FAM222B: variants seen among roughly 807,000 people sequenced by gnomAD.
The protein encoded by FAM222B is protein FAM222B.
Under a neutral mutation model 38.0 loss-of-function variants are expected in FAM222B, and 12 were observed. That is an observed-to-expected ratio of 0.32 (90% CI 0.20 to 0.51). The LOEUF is 0.51. FAM222B is among the 20% of genes least tolerant of loss of function. The pLI is 0.97. For synonymous variants in FAM222B, 329 were observed against 317.2 expected (o/e 1.04, Z -0.40); for missense variants, 716 against 754.2 (o/e 0.95, Z 0.59).
At chr17:28,788,617 C>T (rs755699439) in intron 1 of FAM222B, among the ~76,000 whole-genome samples, 7 of 152,118 alleles carry the variant, frequency 4.6e-5, no homozygotes, top group African/African-American at 7.2e-5. Context: ...TTAAGTCCCA[C>T]CAAACAAGTC....
At chr17:28,785,403 T>C (rs1597910262) in intron 1 of FAM222B, among the ~76,000 whole-genome samples, 2 of 152,236 alleles carry the variant, frequency 1.3e-5, no homozygotes, top group Admixed American at 1.3e-4. Context: ...CTGAAAAACA[T>C]TGAACGGTTC....
At position 28,759,839 on chromosome 17, in the gene FAM222B, A is replaced by G; in HGVS notation, c.120T>C (p.Pro40=). 1.3e-6 allele frequency: 2 copies of G among 1,567,744 alleles called. No homozygotes were observed. The highest frequency in any genetic ancestry group is 8.6e-7 in the Non-Finnish European group (1 of 1,156,324). Reference sequence around the variant, plus strand: ...CATACGCATCCAATTCGGCTGGGGTAGGATAGTGAGCAGTTCTCATTTTCT... The same window carrying G: ...CATACGCATCCAATTCGGCTGGGGTGGGATAGTGAGCAGTTCTCATTTTCT... ...TTQKMRTAHY[P]TPAELDAYAK... Residue 40 remains proline, a synonymous_variant, in exon 3 of 3, where the codon CCT becomes CCC. Transcript: ENST00000581407. The surrounding 1 kb of genome is among the most constrained non-coding windows in gnomAD (Gnocchi z 4.8).
intron 1 of FAM222B, among the ~76,000 whole-genome samples, chr17:28,816,180 G>C (rs2038016021): frequency 6.6e-6 from 1 of 151,474 alleles, no homozygotes; most frequent in East Asian, 1.9e-4. Flanking sequence ...GGGAGGCTGG[G>C]ACAGGAAAAT....
intron 2 of FAM222B, among the ~76,000 whole-genome samples, chr17:28,764,684 T>A (rs945169792): frequency 6.6e-6 from 1 of 151,620 alleles, no homozygotes; most frequent in East Asian, 1.9e-4. Context: ...AAGGCGGAGG[T>A]TGCGTTGAGC....
chr17:28,796,976 C>A (rs1245268814), intron 1 of FAM222B, among the ~76,000 whole-genome samples: 1 of 148,608 alleles, frequency 6.7e-6, no homozygotes, highest in Non-Finnish European at 1.5e-5. Context: ...ATGGTAGAAG[C>A]CAGTTAAGTG....
chr17:28,805,146 C>G (rs2037424291), intron 1 of FAM222B, among the ~76,000 whole-genome samples: 2 of 152,082 alleles, frequency 1.3e-5, no homozygotes, highest in Non-Finnish European at 2.9e-5. Flanking sequence ...TCATTGGAGC[C>G]CAGGAGTTTG....
At chr17:28,845,980 G>A (rs186599262), upstream of FAM222B, among the ~76,000 whole-genome samples, 115 of 149,798 alleles carry the variant, frequency 7.7e-4, no homozygotes, top group Middle Eastern at 0.018. Flanking sequence ...AAGGCGGGTG[G>A]ATCACGAGGT....
chr17:28,763,902 G>A (rs981905419), intron 2 of FAM222B, among the ~76,000 whole-genome samples: 1 of 152,148 alleles, frequency 6.6e-6, no homozygotes, highest in Admixed American at 6.6e-5. Context: ...CCACTAGGGG[G>A]CAGATATGCA....
intron 1 of FAM222B, among the ~76,000 whole-genome samples, chr17:28,783,611 C>G (rs1410637620): frequency 6.6e-6 from 1 of 151,714 alleles, no homozygotes; most frequent in Non-Finnish European, 1.5e-5. Context: ...TTCCCAGGTT[C>G]AAGGGATTCT....
intron 1 of FAM222B, among the ~76,000 whole-genome samples, chr17:28,818,740 A>G (rs2038115522): frequency 6.6e-6 from 1 of 152,098 alleles, no homozygotes; most frequent in African/African-American, 2.4e-5. Flanking sequence ...ATGTTCTGGG[A>G]GTAGAGAGCT....
intron 1 of FAM222B, 87 bp from the exon 2 acceptor site, chr17:28,766,794 C>T (rs1163310705): frequency 2.7e-6 from 2 of 732,658 alleles, no homozygotes; most frequent in Non-Finnish European, 4.6e-6. Flanking sequence ...TGGCGTGAGG[C>T]CCAAGTTTAG....
chr17:28,766,517 C>T, intron 2 of FAM222B, 69 bp downstream of exon 2: 2 of 1,348,046 alleles, frequency 1.5e-6, no homozygotes, highest in Non-Finnish European at 2.1e-6. Context: ...AGATGTGCTT[C>T]AAGGACGGCC....
chr17:28,796,603 T>C (rs1193483221), intron 1 of FAM222B, among the ~76,000 whole-genome samples: 1 of 152,090 alleles, frequency 6.6e-6, no homozygotes, highest in East Asian at 1.9e-4. Flanking sequence ...GAAGAGACAG[T>C]ATGCAAAGAC....
chr17:28,828,174 G>A (rs1265365854), intron 1 of FAM222B, among the ~76,000 whole-genome samples: 2 of 134,554 alleles, frequency 1.5e-5, no homozygotes, highest in Non-Finnish European at 3.0e-5. Flanking sequence ...GCAATGGTGC[G>A]ATCTCGGCTC....
At chr17:28,772,677 A>G (rs2035693905) in intron 1 of FAM222B, among the ~76,000 whole-genome samples, 1 of 152,024 alleles carries the variant, frequency 6.6e-6, no homozygotes, top group East Asian at 1.9e-4. Flanking sequence ...TGGGCAGATC[A>G]CAAGGTCAGG....
intron 1 of FAM222B, among the ~76,000 whole-genome samples, chr17:28,768,223 G>A (rs2035433672): frequency 6.6e-6 from 1 of 152,078 alleles, no homozygotes; most frequent in South Asian, 2.1e-4. Context: ...AAAAAGGAGT[G>A]GGGGAAAAGC....
chr17:28,803,660 A>G (rs1431854060), intron 1 of FAM222B, among the ~76,000 whole-genome samples: 1 of 152,128 alleles, frequency 6.6e-6, no homozygotes, highest in Non-Finnish European at 1.5e-5. Context: ...ATTTACATAT[A>G]CTATGGGGTC....
intron 1 of FAM222B, among the ~76,000 whole-genome samples, chr17:28,831,893 A>G (rs1227292007): frequency 6.6e-6 from 1 of 152,080 alleles, no homozygotes. Flanking sequence ...TTACTTAAAG[A>G]AAAAAACAAT....
At chr17:28,793,254 A>C (rs1270855366) in intron 1 of FAM222B, among the ~76,000 whole-genome samples, 1 of 152,092 alleles carries the variant, frequency 6.6e-6, no homozygotes, top group African/African-American at 2.4e-5. Context: ...CATTTTAGTA[A>C]GAGTTTCTCA....
Sources: allele counts gnomAD v4.1 joint callset (sites outside exome capture counted in the v4.1 genomes callset), GRCh38; gene constraint gnomAD v4.1.1; non-coding constraint Gnocchi (gnomAD v3.1); transcripts MANE v1.5; gene names NCBI Gene and HGNC (gene_info 2026-07-23, HGNC 2026-07-21).